NETO2: variants seen among roughly 807,000 people sequenced by gnomAD.
NETO2 encodes neuropilin and tolloid-like protein 2.
Under a neutral mutation model 62.5 loss-of-function variants are expected in NETO2, and 28 were observed. The ratio of observed to expected loss-of-function variants is 0.45; its 90% CI spans 0.33 to 0.61. The LOEUF (loss-of-function observed/expected upper bound fraction) is 0.61. Among genes scored for constraint, NETO2 ranks in the 20% least tolerant of loss-of-function variants. The pLI is 0.02. For missense variants in NETO2, 548 were observed against 643.2 expected, an observed-to-expected ratio of 0.85 and a Z score of 1.60; for synonymous variants, 214 against 219.1, an observed-to-expected ratio of 0.98 and a Z score of 0.21.
At chr16:47,095,627 T>A (rs1172810700) in intron 7 of NETO2, among the ~76,000 whole-genome samples, 1 of 152,088 alleles carries the variant, frequency 6.6e-6, no homozygotes, top group Non-Finnish European at 1.5e-5. Flanking sequence ...TATAAACATA[T>A]ATGGACTAAA....
intron 7 of NETO2, among the ~76,000 whole-genome samples, chr16:47,104,876 C>T (rs150168023): frequency 6.6e-5 from 10 of 151,950 alleles, no homozygotes; most frequent in East Asian, 3.9e-4. Flanking sequence ...TGTGCCACCA[C>T]GCCTGGCTAA....
intron 1 of NETO2, among the ~76,000 whole-genome samples, 191 bp downstream of exon 1, chr16:47,143,388 G>A (rs1257126215): frequency 6.6e-6 from 1 of 151,964 alleles, no homozygotes; most frequent in Non-Finnish European, 1.5e-5. Context: ...CGGAAGCGGC[G>A]CGCCCGGAGA....
At chr16:47,086,448 C>A in intron 7 of NETO2, 109 bp from the exon 8 acceptor site, 1 of 676,348 alleles carries the variant, frequency 1.5e-6, no homozygotes, top group Admixed American at 2.6e-5. Context: ...AAAGGCCTTT[C>A]CTTGAATAAA....
intron 8 of NETO2, among the ~76,000 whole-genome samples, chr16:47,085,596 T>G (rs997361327): frequency 1.3e-5 from 2 of 151,482 alleles, no homozygotes; most frequent in African/African-American, 4.8e-5. Flanking sequence ...GTTAGCCAGG[T>G]TGGTCTTGAA....
Position 47,120,434 on chromosome 16 carries a change from A to G in NETO2, c.654+2223T>C, listed in dbSNP as rs367997904. 3.3e-5 allele frequency among the ~76,000 whole-genome samples: 5 copies of G among 152,336 alleles called. No homozygotes were observed. The East Asian group carries it at 5.8e-4, about 18-fold the overall frequency. On this transcript the variant is annotated intron_variant, in intron 6 of 8. Coordinates refer to ENST00000562435, the MANE Select transcript of NETO2 (RefSeq NM_018092.5). ...TATAGGGTACATGAGCTATCATGAT[A>G]TAGGTATACAGTGCATAATAATTAC...
chr16:47,136,479 C>T (rs759019512), intron 1 of NETO2, among the ~76,000 whole-genome samples: 52 of 152,210 alleles, frequency 3.4e-4, no homozygotes, highest in Non-Finnish European at 8.8e-5. Flanking sequence ...GTGATTTTGG[C>T]TCACTTAACC....
intron 2 of NETO2, 45 bp downstream of exon 2, chr16:47,131,924 C>A: frequency 6.7e-7 from 1 of 1,500,232 alleles, no homozygotes; most frequent in Non-Finnish European, 9.3e-7. Flanking sequence ...ATAAGCCAGT[C>A]CATTGTCTTA....
chr16:47,113,063 TTC>T (rs903235116), intron 6 of NETO2, among the ~76,000 whole-genome samples: 3 of 152,230 alleles, frequency 2.0e-5, no homozygotes, highest in African/African-American at 7.2e-5. Flanking sequence ...CATTGTTGTC[TTC>T]TCTTTATGCA....
At chr16:47,109,191 G>C (rs1433359406) in intron 7 of NETO2, among the ~76,000 whole-genome samples, 4 of 152,066 alleles carry the variant, frequency 2.6e-5, no homozygotes, top group Non-Finnish European at 5.9e-5. Flanking sequence ...AATGCTGCCT[G>C]GTATAGTGCC....
Position 47,082,768 on chromosome 16 carries a change from T to C in NETO2, c.*453A>G, listed in dbSNP as rs16952129. 15,005 of 154,660 alleles carry C rather than the reference T, an allele frequency of 0.097. 1,426 individuals are homozygous for C. The highest frequency in any genetic ancestry group is 0.25 in the African/African-American group (10,395 of 41,480). 9.6% of individuals were successfully genotyped at this position (154,660 alleles called of 1,614,324 possible). On this transcript the variant is annotated 3_prime_UTR_variant, in exon 9 of 9. Transcript: ENST00000562435. ...CTTGTACTTATGTAAGAAAATGAAA[T>C]GGTAAAACGATAGGCTTATAAAACA...
At chr16:47,104,400 T>C (rs1312393082) in intron 7 of NETO2, among the ~76,000 whole-genome samples, 16 of 152,220 alleles carry the variant, frequency 1.1e-4, no homozygotes, top group Admixed American at 1.0e-3. Context: ...AATGGGAATA[T>C]ACATCCTGTG....
chr16:47,142,343 G>C (rs1964477164), intron 1 of NETO2, among the ~76,000 whole-genome samples: 1 of 152,210 alleles, frequency 6.6e-6, no homozygotes, highest in Admixed American at 6.5e-5. Context: ...CAGTGGGGTA[G>C]TTAAACGTTT....
chr16:47,119,246 G>C (rs1203515666), intron 6 of NETO2, among the ~76,000 whole-genome samples: 3 of 151,306 alleles, frequency 2.0e-5, no homozygotes, highest in African/African-American at 7.3e-5. Context: ...CCGCCTCCTG[G>C]GTTCACGCCA....
chr16:47,112,793 T>C (rs771366534), intron 6 of NETO2, among the ~76,000 whole-genome samples: 8 of 152,236 alleles, frequency 5.3e-5, no homozygotes, highest in Non-Finnish European at 1.0e-4. Context: ...ATATTCCAGG[T>C]AACGCTCCTA....
chr16:47,091,649 A>G (rs1272652976), intron 7 of NETO2, among the ~76,000 whole-genome samples: 1 of 152,152 alleles, frequency 6.6e-6, no homozygotes, highest in African/African-American at 2.4e-5. Flanking sequence ...CTAACAGATA[A>G]GGGTACTTCA....
At chr16:47,084,763 G>T (rs1963148491) in intron 8 of NETO2, among the ~76,000 whole-genome samples, 1 of 152,182 alleles carries the variant, frequency 6.6e-6, no homozygotes, top group African/African-American at 2.4e-5. Flanking sequence ...CTCCTTAGGA[G>T]AATCTAATGC....
chr16:47,081,942 T>C lies in NETO2; in HGVS notation c.*1279A>G, dbSNP rs1596693381. ...TTTCCAAGGTCTTTACAATAAGTTATAGCGTCCAGGTCCAACACAGCATAT... is the reference window on the plus strand; with the variant it reads ...TTTCCAAGGTCTTTACAATAAGTTACAGCGTCCAGGTCCAACACAGCATAT... On this transcript the variant is annotated 3_prime_UTR_variant, in exon 9 of 9. Transcript: ENST00000562435. 1.3e-5 allele frequency: 2 copies of C among 152,628 alleles called. No individual in the cohort carries two copies. The highest frequency in any genetic ancestry group is 1.5e-5 in the Non-Finnish European group (1 of 68,014). The allele number at this position is 152,628 out of a possible 1,614,324, so 9.5% of individuals were successfully genotyped here. A position where few individuals can be genotyped will look rare whatever the true frequency, so the allele number is the denominator to read the frequency against.
At chr16:47,100,620 T>C (rs1963520340) in intron 7 of NETO2, among the ~76,000 whole-genome samples, 1 of 151,950 alleles carries the variant, frequency 6.6e-6, no homozygotes, top group African/African-American at 2.4e-5. Flanking sequence ...ATAAAGGAGA[T>C]ATAATCACTG....
chr16:47,128,575 T>C lies in NETO2; in HGVS notation c.233-2A>G. On this transcript the variant is annotated splice_acceptor_variant, in intron 3 of 8. Transcript: ENST00000562435. LOFTEE classifies it high-confidence loss of function. Reference sequence around the variant, plus strand: ...ACTCTATTCTTTGACGTGGAGCAGCTAGAAAATAAGAGTAAGCAAATCAGG... The same window carrying C: ...ACTCTATTCTTTGACGTGGAGCAGCCAGAAAATAAGAGTAAGCAAATCAGG... The C allele has an allele frequency of 6.2e-7, 1 of 1,609,450 alleles. No homozygotes were observed. The highest frequency in any genetic ancestry group is 1.1e-5 in the South Asian group (1 of 90,924).
Sources: gnomAD v4.1 joint callset for allele counts (sites outside exome capture counted in the v4.1 genomes callset) on GRCh38, gnomAD v4.1.1 for gene constraint, MANE v1.5 for transcripts, NCBI Gene and HGNC (gene_info 2026-07-23, HGNC 2026-07-21) for gene names.